Variants in ARID1A observed in about 807,000 individuals in gnomAD.
ARID1A encodes AT-rich interactive domain-containing protein 1A.
ARID1A carries 20 observed loss-of-function variants against 212.6 expected under a neutral mutation model. The ratio of observed to expected loss-of-function variants is 0.09; its 90% CI spans 0.07 to 0.14. ARID1A has a LOEUF of 0.14. Ranked by LOEUF, ARID1A falls within the 10% of genes least tolerant of loss-of-function variation. The pLI, the probability that ARID1A is intolerant of heterozygous loss-of-function variation, is 1.00. For missense variants in ARID1A, 2,587 were observed against 3,059.0 expected, an observed-to-expected ratio of 0.85 and a Z score of 3.64; for synonymous variants, 1,376 against 1,222.1, an observed-to-expected ratio of 1.13 and a Z score of -2.63.
intron 4 of ARID1A, among the ~76,000 whole-genome samples, chr1:26,744,304 T>C (rs894878774): frequency 2.0e-5 from 3 of 152,226 alleles, no homozygotes; most frequent in Admixed American, 6.5e-5. Context: ...GTTTCTATTC[T>C]AGTCGCTGGT....
chr1:26,734,102 C>G (rs1341376768), intron 4 of ARID1A, among the ~76,000 whole-genome samples: 1 of 152,194 alleles, frequency 6.6e-6, no homozygotes, highest in Non-Finnish European at 1.5e-5. Context: ...GTTCCCTTCT[C>G]ATTAGTGTCT....
intron 4 of ARID1A, among the ~76,000 whole-genome samples, chr1:26,757,229 A>T (rs1325480498): frequency 6.6e-6 from 1 of 150,768 alleles, no homozygotes; most frequent in African/African-American, 2.4e-5. Context: ...AAAAAAAAAA[A>T]AATGCTGAGG....
rs397860721 is a variant in ARID1A at position 26,708,266 on chromosome 1, C to CTTTTTT, written c.1137+10757_1137+10762dup. On this transcript the variant is annotated intron_variant, in intron 1 of 19. Coordinates refer to ENST00000324856, the MANE Select transcript of ARID1A (RefSeq NM_006015.6). The stretch of plus-strand genomic sequence containing the variant: ...TCAGCCTTTAAGATACAGTCCTTCA[C>CTTTTTT]TTTTTTTTTTTTTTTTTTTTTTTTT... 5.5e-4 allele frequency among the ~76,000 whole-genome samples: 13 copies of CTTTTTT among 23,752 alleles called. 4 individuals are homozygous for CTTTTTT. Among genetic ancestry groups the CTTTTTT allele is most frequent in the Non-Finnish European group, 8.6e-4 (12 of 13,994 alleles). The allele number at this position is 23,752 out of a possible 152,430, so 15.6% of individuals were successfully genotyped here.
intron 15 of ARID1A, 35 bp from the exon 16 acceptor site, chr1:26,773,545 T>C (rs1395700301): frequency 2.5e-6 from 4 of 1,614,034 alleles, no homozygotes; most frequent in Non-Finnish European, 3.4e-6. Context: ...CCTGAAGCTA[T>C]AGTGGGCTCA....
chr1:26,739,290 G>A (rs2124800266), intron 4 of ARID1A, among the ~76,000 whole-genome samples: 2 of 152,344 alleles, frequency 1.3e-5, no homozygotes, highest in East Asian at 3.9e-4. Context: ...AGGATTGAAA[G>A]CTGTGATCTG....
intron 1 of ARID1A, among the ~76,000 whole-genome samples, 182 bp downstream of exon 1, chr1:26,697,722 C>T (rs1382510430): frequency 5.3e-5 from 8 of 152,020 alleles, no homozygotes; most frequent in African/African-American, 1.2e-4. Flanking sequence ...TCCTTCCCTC[C>T]TTCAGCCTTT....
At chr1:26,698,800 G>A (rs1158513616) in intron 1 of ARID1A, among the ~76,000 whole-genome samples, 1 of 152,126 alleles carries the variant, frequency 6.6e-6, no homozygotes, top group Non-Finnish European at 1.5e-5. Flanking sequence ...TTATTGAGTG[G>A]CAAATGTGGG....
chr1:26,724,994 T>G (rs2080602912), intron 1 of ARID1A, among the ~76,000 whole-genome samples: 1 of 152,104 alleles, frequency 6.6e-6, no homozygotes, highest in South Asian at 2.1e-4. Flanking sequence ...CCTTTTTTAT[T>G]TTTATTTTTT....
chr1:26,779,390 T>A lies in ARID1A; in HGVS notation c.5492T>A (p.Leu1831His), dbSNP rs759437903. The change falls in exon 20 of 20, where the codon CTT becomes CAT. Residue 1831 changes from leucine (L) to histidine (H), a missense_variant. Leu to His is a moderately conservative substitution (Grantham distance 99, BLOSUM62 -3). Coordinates refer to ENST00000324856, the MANE Select transcript of ARID1A (RefSeq NM_006015.6). ...DPFVVDCSDK[L>H]GRVQEFDSGL... ...TTTGTGGTGGACTGCTCAGATAAGC[T>A]TGGGCGTGTGCAGGAGTTTGACAGT... is the stretch of plus-strand genomic sequence containing the variant. The A allele has an allele frequency of 6.2e-7, 1 of 1,614,228 alleles. No homozygotes were observed. The highest frequency in any genetic ancestry group is 8.5e-7 in the Non-Finnish European group (1 of 1,180,046).
chr1:26,721,409 A>G (rs767718881), intron 1 of ARID1A, among the ~76,000 whole-genome samples: 5 of 152,070 alleles, frequency 3.3e-5, no homozygotes, highest in Non-Finnish European at 5.9e-5. Flanking sequence ...ACCAGGTTTC[A>G]CCATATTGGC....
At chr1:26,726,394 C>G (rs1198300516) in intron 1 of ARID1A, among the ~76,000 whole-genome samples, 1 of 151,408 alleles carries the variant, frequency 6.6e-6, no homozygotes, top group African/African-American at 2.4e-5. Flanking sequence ...GGCTTGTCTC[C>G]CAACTCCTGG....
intron 1 of ARID1A, among the ~76,000 whole-genome samples, chr1:26,713,472 C>A (rs2080472749): frequency 2.0e-5 from 3 of 151,724 alleles, no homozygotes; most frequent in South Asian, 2.1e-4. Flanking sequence ...AATTCTCTTG[C>A]CTCAGCCTCC....
At chr1:26,773,022 G>C (rs566833660) in intron 14 of ARID1A, 35 bp downstream of exon 14, 32 of 1,587,816 alleles carry the variant, frequency 2.0e-5, no homozygotes, top group Non-Finnish European at 2.7e-5. Context: ...ACTTGTGCTC[G>C]TAAAGACAGG....
rs776767678 is a variant in ARID1A at position 26,780,618 on chromosome 1, C to G, written c.6720C>G (p.Ala2240=). The part of the protein sequence containing the change: ...MMRRAARALL[A]LAKVDENHSE... ...GGCGGGCTGCCCGCGCGCTGCTTGC[C>G]TTGGCCAAGGTGGACGAGAACCACT... The change falls in exon 20 of 20, where the codon GCC becomes GCG. Residue 2240 remains alanine, a synonymous_variant. Coordinates refer to ENST00000324856, the MANE Select transcript of ARID1A (RefSeq NM_006015.6). The surrounding 1 kb of genome is among the most constrained non-coding windows in gnomAD (Gnocchi z 7.2). 6.2e-6 allele frequency: 10 copies of G among 1,613,534 alleles called. No homozygotes were observed. In the African/African-American group the frequency reaches 1.2e-4, roughly 19 times the overall value.
At chr1:26,701,422 T>TAA (rs2080330894) in intron 1 of ARID1A, among the ~76,000 whole-genome samples, 2 of 152,318 alleles carry the variant, frequency 1.3e-5, no homozygotes, top group South Asian at 2.1e-4. Context: ...GACGCACACT[T>TAA]ACGTTGTTAT....
intron 2 of ARID1A, among the ~76,000 whole-genome samples, chr1:26,730,470 A>G (rs1429490338): frequency 2.6e-5 from 4 of 152,372 alleles, no homozygotes; most frequent in African/African-American, 9.6e-5. Flanking sequence ...TCATACTGAA[A>G]ATAGGGAGAG....
At chr1:26,745,218 C>T (rs147956778) in intron 4 of ARID1A, among the ~76,000 whole-genome samples, 170 of 152,262 alleles carry the variant, frequency 1.1e-3, no homozygotes, top group African/African-American at 3.9e-3. Context: ...ACGTCTATCT[C>T]GGAGCTACTA....
chr1:26,709,738 A>G (rs2080431763), intron 1 of ARID1A, among the ~76,000 whole-genome samples: 1 of 150,170 alleles, frequency 6.7e-6, no homozygotes. Flanking sequence ...GCCCACTCTC[A>G]AACTCCTGAC....
Position 26,697,246 on chromosome 1 carries a change from G to A in ARID1A, c.843G>A (p.Ala281=), listed in dbSNP as rs752424350. The change falls in exon 1 of 20, where the codon GCG becomes GCA. Residue 281 remains alanine (A), a synonymous_variant. Transcript: ENST00000324856. ...CCATGGGGGGAGGCGGCCCCTCCGCGGCCGGCGGGGGAACTCCCCAGCCCA... is the reference window on the plus strand; with the variant it reads ...CCATGGGGGGAGGCGGCCCCTCCGCAGCCGGCGGGGGAACTCCCCAGCCCA... ...FGAMGGGGPS[A]AGGGTPQPTA... 3.6e-6 allele frequency: 5 copies of A among 1,371,298 alleles called. No individual in the cohort carries two copies. The East Asian group carries it at 1.5e-4, about 42-fold the overall frequency. The allele number at this position is 1,371,298 out of a possible 1,614,324, so 84.9% of individuals were successfully genotyped here.
Sources: allele counts gnomAD v4.1 joint callset (sites outside exome capture counted in the v4.1 genomes callset), GRCh38; gene constraint gnomAD v4.1.1; non-coding constraint Gnocchi (gnomAD v3.1); transcripts MANE v1.5; gene names NCBI Gene and HGNC (gene_info 2026-07-23, HGNC 2026-07-21).